The following BBS5 variants were observed in gnomAD, a reference collection of about 807,000 sequenced individuals.
BBS5 encodes Bardet-Biedl syndrome 5.
In BBS5, 39 loss-of-function variants were observed where a neutral mutation model predicts 50.2. The observed-to-expected ratio is 0.78, with a 90% confidence interval of 0.60 to 1.01. The LOEUF (loss-of-function observed/expected upper bound fraction) is 1.01. Among genes scored for constraint, BBS5 ranks in the 50% least tolerant of loss-of-function variants. BBS5 has a pLI of 0.00. For synonymous variants in BBS5, 134 were observed against 133.1 expected (o/e 1.01, Z -0.05); for missense variants, 356 against 401.5 (o/e 0.89, Z 0.97).
intron 9 of BBS5, among the ~76,000 whole-genome samples, chr2:169,502,121 G>C (rs1276115506): frequency 2.0e-5 from 3 of 152,028 alleles, no homozygotes. Context: ...AGCGATTTTT[G>C]TCTGCTTAAT....
chr2:169,497,653 A>C lies in BBS5; in HGVS notation c.645A>C (p.Lys215Asn). ...GTTCAATAAAGATTAGAGATTCAAA[A>C]TTTGGTTTAGCTCTTGTCATAGAAA... ...QIRSIKIRDS[K>N]FGLALVIESS... is the part of the protein sequence containing the mutation. Residue 215 changes from lysine (K) to asparagine (N), a missense_variant, in exon 8 of 12, where the codon AAA becomes AAC. By Grantham distance (94) the Lys-to-Asn change is moderately conservative (BLOSUM62 0). Coordinates refer to ENST00000295240, the MANE Select transcript of BBS5 (RefSeq NM_152384.3). 1.3e-6 allele frequency: 2 copies of C among 1,599,646 alleles called. No homozygotes were observed. The highest frequency in any genetic ancestry group is 1.7e-6 in the Non-Finnish European group (2 of 1,167,312).
rs930533346 is a variant in BBS5, at chr2:169,505,828, G to GA, written c.*1246_*1247insA. On this transcript the variant is annotated 3_prime_UTR_variant, in exon 12 of 12. Transcript: ENST00000295240. ...AGCCACCCAGTCCGGGAGGGAGGTGGGGGGGTCAGTCCCCCGTCCGGCCAG... is the reference window on the plus strand; with the variant it reads ...AGCCACCCAGTCCGGGAGGGAGGTGGAGGGGGTCAGTCCCCCGTCCGGCCAG... 1 of 164,102 alleles carries GA rather than the reference G, an allele frequency of 6.1e-6. No individual in the cohort carries two copies. Among genetic ancestry groups the GA allele is most frequent in the Non-Finnish European group, 1.3e-5 (1 of 77,432 alleles). 10.2% of individuals were successfully genotyped at this position (164,102 alleles called of 1,614,324 possible).
intron 7 of BBS5, 65 bp from the exon 8 acceptor site, chr2:169,497,562 G>A: frequency 1.0e-6 from 1 of 957,190 alleles, no homozygotes. Flanking sequence ...TTTAAAAACT[G>A]AGTTAAAGAG....
chr2:169,499,051 C>T lies in BBS5; in HGVS notation c.682-435C>T, dbSNP rs528068990. 8.2e-5 allele frequency: 14 copies of T among 171,482 alleles called. No homozygotes were observed. The South Asian group carries it at 1.8e-3, about 22-fold the overall frequency. 10.6% of individuals were successfully genotyped at this position (171,482 alleles called of 1,614,324 possible). On this transcript the variant is annotated intron_variant, in intron 8 of 11. Transcript: ENST00000295240. The stretch of plus-strand genomic sequence containing the variant: ...CCTCAGATGGCCCATTTCCTTTCTT[C>T]TTTTCGTGTAGTCTGTTCCTTTTCA...
At chr2:169,481,659 T>G (rs1299359024) in intron 1 of BBS5, among the ~76,000 whole-genome samples, 1 of 152,220 alleles carries the variant, frequency 6.6e-6, no homozygotes, top group East Asian at 1.9e-4. Context: ...GTATTCTGTC[T>G]GTCAGCAAGC....
At chr2:169,495,830 G>C (rs1019940027) in intron 7 of BBS5, among the ~76,000 whole-genome samples, 2 of 152,084 alleles carry the variant, frequency 1.3e-5, no homozygotes, top group East Asian at 3.9e-4. Flanking sequence ...TAATTTTTTT[G>C]TAATTTTTGT....
intron 5 of BBS5, among the ~76,000 whole-genome samples, chr2:169,491,823 GT>G (rs1405828176): frequency 1.3e-5 from 2 of 152,166 alleles, no homozygotes; most frequent in Admixed American, 1.3e-4. Flanking sequence ...TTGAGACAGA[GT>G]CTCGCTCTGT....
At chr2:169,483,325 TTTTGG>T (rs1224792062) in intron 2 of BBS5, among the ~76,000 whole-genome samples, 1 of 152,094 alleles carries the variant, frequency 6.6e-6, no homozygotes, top group Non-Finnish European at 1.5e-5. Flanking sequence ...ATGCATGAAC[TTTTGG>T]TACAGTATTA....
At chr2:169,496,099 AT>A (rs1683687417) in intron 7 of BBS5, among the ~76,000 whole-genome samples, 1 of 152,188 alleles carries the variant, frequency 6.6e-6, no homozygotes, top group Non-Finnish European at 1.5e-5. Flanking sequence ...GAAGCATGGT[AT>A]CCCATCATCA....
Position 169,487,150 on chromosome 2 carries a change from A to G in BBS5, c.208+16A>G, listed in dbSNP as rs550901764. 6 of 1,584,992 alleles carry G rather than the reference A, an allele frequency of 3.8e-6. No individual in the cohort carries two copies. In the African/African-American group the frequency reaches 8.1e-5, roughly 21 times the overall value. The stretch of plus-strand genomic sequence containing the variant: ...GTCAATGTTTGTAAGTATCTTTGTT[A>G]GATAAGTCTGAAGAAAAAAAATCCT... On this transcript the variant is annotated intron_variant, in intron 3 of 11. Coordinates refer to ENST00000295240, the MANE Select transcript of BBS5 (RefSeq NM_152384.3).
rs1414333827 is a variant in BBS5, at chr2:169,497,622, T to G, written c.619-5T>G. On this transcript the variant is annotated splice_polypyrimidine_tract_variant and splice_region_variant and intron_variant, in intron 7 of 11. Transcript: ENST00000295240. ...GCATGTTTTTCTTTTTCATTTTGTA[T>G]CTAGCGTTCAATAAAGATTAGAGAT... is the stretch of plus-strand genomic sequence containing the variant. The G allele has an allele frequency of 2.6e-6, 4 of 1,560,222 alleles. No homozygotes were observed. The highest frequency in any genetic ancestry group is 3.5e-6 in the Non-Finnish European group (4 of 1,131,874).
intron 7 of BBS5, among the ~76,000 whole-genome samples, chr2:169,496,879 A>C (rs1683704339): frequency 6.6e-6 from 1 of 152,172 alleles, no homozygotes; most frequent in Non-Finnish European, 1.5e-5. Flanking sequence ...AAAAAAAAAA[A>C]ACCTTAAATA....
At chr2:169,501,760 A>G (rs1477946474) in intron 9 of BBS5, among the ~76,000 whole-genome samples, 1 of 152,164 alleles carries the variant, frequency 6.6e-6, no homozygotes, top group Non-Finnish European at 1.5e-5. Context: ...TAAAAAAATA[A>G]AAGAGAAAAA....
chr2:169,490,494 G>A (rs1683577198), intron 5 of BBS5, among the ~76,000 whole-genome samples: 1 of 152,142 alleles, frequency 6.6e-6, no homozygotes, highest in Admixed American at 6.5e-5. Flanking sequence ...GGGATTACAG[G>A]CGTGAGCCAC....
At chr2:169,498,941 T>TA (rs1486010158) in intron 8 of BBS5, 1 of 157,522 alleles carries the variant, frequency 6.3e-6, no homozygotes, top group Non-Finnish European at 1.4e-5. Flanking sequence ...TCTCACCTAT[T>TA]ACAGTATGCT....
Position 169,481,623 on chromosome 2 carries a change from GT to G in BBS5, c.60-617del, listed in dbSNP as rs10646618. Among the ~76,000 whole-genome samples the G allele has an allele frequency of 5.7e-4, 85 of 149,396 alleles. 1 individual carries two copies. Among genetic ancestry groups the G allele is most frequent in the African/African-American group, 1.2e-3 (47 of 40,756 alleles). ...AAGGCTCTTTTAGATATTTTGCTAG[GT>G]TTTTTTTTTTGGACACTGTAGAATG... On this transcript the variant is annotated intron_variant, in intron 1 of 11. Transcript: ENST00000295240.
chr2:169,495,640 G>A (rs557492227), intron 7 of BBS5, among the ~76,000 whole-genome samples: 1 of 152,274 alleles, frequency 6.6e-6, no homozygotes, highest in South Asian at 2.1e-4. Context: ...GAAAGCCAGA[G>A]TGCCAGTGTT....
chr2:169,481,082 G>C (rs1034640122), intron 1 of BBS5, among the ~76,000 whole-genome samples: 1 of 152,152 alleles, frequency 6.6e-6, no homozygotes, highest in South Asian at 2.1e-4. Context: ...TTACTGGGCC[G>C]ATAGCTAGAG....
At chr2:169,490,211 G>A (rs1178237977) in intron 5 of BBS5, among the ~76,000 whole-genome samples, 1 of 23,474 alleles carries the variant, frequency 4.3e-5, no homozygotes, top group Non-Finnish European at 8.6e-5. Flanking sequence ...TTTTTTTTTT[G>A]AGACGGAGTC....
Sources: allele counts gnomAD v4.1 joint callset (sites outside exome capture counted in the v4.1 genomes callset), GRCh38; gene constraint gnomAD v4.1.1; transcripts MANE v1.5; gene names NCBI Gene and HGNC (gene_info 2026-07-23, HGNC 2026-07-21).